The following SNX29 variants were observed in gnomAD, a reference collection of about 807,000 sequenced individuals.
SNX29 encodes the protein sorting nexin 29.
SNX29 carries 78 observed loss-of-function variants against 102.1 expected under a neutral mutation model. The ratio of observed to expected loss-of-function variants is 0.76; its 90% CI spans 0.64 to 0.92. SNX29 has a LOEUF of 0.92. Ranked by LOEUF, SNX29 falls within the 40% of genes least tolerant of loss-of-function variation. The pLI, the probability that SNX29 is intolerant of heterozygous loss-of-function variation, is 0.00. For synonymous variants in SNX29, 580 were observed against 414.5 expected (o/e 1.40, Z -4.85); for missense variants, 1,280 against 1,061.7 (o/e 1.21, Z -2.86).
At chr16:12,329,071 A>T (rs927100763) in intron 15 of SNX29, among the ~76,000 whole-genome samples, 11 of 151,996 alleles carry the variant, frequency 7.2e-5, no homozygotes, top group African/African-American at 2.7e-4. Flanking sequence ...CAGGAGTTCA[A>T]GACCAGCTTA....
chr16:12,011,774 C>T (rs771581096), intron 3 of SNX29, among the ~76,000 whole-genome samples: 10 of 152,040 alleles, frequency 6.6e-5, no homozygotes, highest in Non-Finnish European at 1.5e-4. Context: ...CTCCTTCAGC[C>T]ACAAATCACC....
chr16:12,159,687 C>G (rs1223509752), intron 13 of SNX29, among the ~76,000 whole-genome samples: 2 of 152,114 alleles, frequency 1.3e-5, no homozygotes, highest in Admixed American at 1.3e-4. Context: ...TAAGGAGACC[C>G]TGTCTCTATT....
chr16:12,534,860 A>C (rs192837576), intron 20 of SNX29, among the ~76,000 whole-genome samples: 1 of 152,142 alleles, frequency 6.6e-6, no homozygotes, highest in Non-Finnish European at 1.5e-5. Flanking sequence ...GATTGTCCCA[A>C]CCATGGGGGA....
chr16:12,472,105 C>G (rs190639171), intron 18 of SNX29, among the ~76,000 whole-genome samples: 1 of 152,346 alleles, frequency 6.6e-6, no homozygotes, highest in East Asian at 1.9e-4. Flanking sequence ...GAATACTATT[C>G]ATTAGTGCAA....
chr16:12,048,968 G>A (rs2050198086), intron 7 of SNX29, among the ~76,000 whole-genome samples: 1 of 152,210 alleles, frequency 6.6e-6, no homozygotes, highest in Non-Finnish European at 1.5e-5. Flanking sequence ...GAATAGGAAA[G>A]ACAGATTACC....
intron 13 of SNX29, among the ~76,000 whole-genome samples, chr16:12,144,394 C>T (rs1432215038): frequency 6.6e-6 from 1 of 151,978 alleles, no homozygotes; most frequent in Non-Finnish European, 1.5e-5. Flanking sequence ...GAAGGTTGTC[C>T]CTCTAAAACT....
intron 9 of SNX29, among the ~76,000 whole-genome samples, chr16:12,067,572 C>G (rs889557279): frequency 3.9e-5 from 6 of 152,216 alleles, no homozygotes; most frequent in African/African-American, 1.4e-4. Flanking sequence ...ACTGCAACCT[C>G]CACCTTCTGG....
chr16:12,011,585 T>G (rs950800812), intron 3 of SNX29, among the ~76,000 whole-genome samples: 1 of 152,144 alleles, frequency 6.6e-6, no homozygotes, highest in East Asian at 1.9e-4. Flanking sequence ...CTGAACCTAT[T>G]TTTATATCTA....
At chr16:12,500,061 A>G (rs949958255) in intron 19 of SNX29, among the ~76,000 whole-genome samples, 1 of 152,068 alleles carries the variant, frequency 6.6e-6, no homozygotes, top group Non-Finnish European at 1.5e-5. Flanking sequence ...GCGTGATCAT[A>G]GCACACTGCA....
rs1382932715 is a variant in SNX29 at position 12,048,629 on chromosome 16, G to A, written c.748+9G>A. 1 of 1,613,812 alleles carries A rather than the reference G, an allele frequency of 6.2e-7. No individual in the cohort carries two copies. The highest frequency in any genetic ancestry group is 1.3e-5 in the African/African-American group (1 of 74,912). On this transcript the variant is annotated intron_variant, in intron 7 of 20. Transcript: ENST00000566228. ...CAGGAATGTCAGTGCTGGTGAGTGG[G>A]AACGGGTGCTCGAGGCGGAGCAGAG...
intron 16 of SNX29, among the ~76,000 whole-genome samples, chr16:12,370,170 C>T (rs2082631741): frequency 6.6e-6 from 1 of 152,010 alleles, no homozygotes; most frequent in African/African-American, 2.4e-5. Flanking sequence ...TGCAGTGAGC[C>T]AAGATGGTGC....
At chr16:12,189,878 T>G (rs6498270) in intron 13 of SNX29, among the ~76,000 whole-genome samples, 31,448 of 151,942 alleles carry the variant, frequency 0.21, 3,382 homozygotes, top group East Asian at 0.27. Context: ...TGAGCTGGCT[T>G]CTGTGTCCTT....
At chr16:12,527,108 T>TCTTTGGCTTTCCTCA in intron 20 of SNX29, 1 of 462,990 alleles carries the variant, frequency 2.2e-6, no homozygotes, top group Middle Eastern at 3.6e-4. Context: ...TAATAAAAGC[T>TCTTTGGCTTTCCTCA]CTTTGGCTTT....
chr16:12,419,032 A>G (rs10852347), intron 18 of SNX29, among the ~76,000 whole-genome samples: 84,359 of 151,992 alleles, frequency 0.56, 23,960 homozygotes, highest in East Asian at 0.62. Context: ...GCTGCTCAAC[A>G]TCCTACAGTG....
intron 18 of SNX29, among the ~76,000 whole-genome samples, chr16:12,469,410 A>AAAACAC (rs2087229221): frequency 6.6e-6 from 1 of 152,252 alleles, no homozygotes; most frequent in South Asian, 2.1e-4. Flanking sequence ...GCCTTGAACC[A>AAAACAC]AAACACAAAT....
intron 20 of SNX29, among the ~76,000 whole-genome samples, chr16:12,541,755 C>T (rs917656990): frequency 6.6e-6 from 1 of 152,114 alleles, no homozygotes; most frequent in Non-Finnish European, 1.5e-5. Flanking sequence ...CCAGCCAGTG[C>T]CTGATACTGA....
intron 20 of SNX29, among the ~76,000 whole-genome samples, chr16:12,534,809 C>G (rs1361134898): frequency 3.3e-5 from 5 of 152,150 alleles, no homozygotes; most frequent in African/African-American, 1.2e-4. Flanking sequence ...TGCCTTACTC[C>G]CCAGTTCCAG....
intron 13 of SNX29, 55 bp downstream of exon 13, chr16:12,129,813 G>T: frequency 1.3e-6 from 2 of 1,529,740 alleles, no homozygotes; most frequent in Non-Finnish European, 1.8e-6. Flanking sequence ...ATTAAAACCT[G>T]AGCATACTGG....
intron 20 of SNX29, among the ~76,000 whole-genome samples, chr16:12,541,341 CTTCTTCA>C (rs1203173721): frequency 6.6e-6 from 1 of 152,008 alleles, no homozygotes; most frequent in Non-Finnish European, 1.5e-5. Context: ...CCAGAATTAC[CTTCTTCA>C]TTCTTCACAG....
Sources: gnomAD v4.1 joint callset for allele counts (sites outside exome capture counted in the v4.1 genomes callset) on GRCh38, gnomAD v4.1.1 for gene constraint, MANE v1.5 for transcripts, NCBI Gene and HGNC (gene_info 2026-07-23, HGNC 2026-07-21) for gene names.